Variants in CHD4 observed in about 807,000 individuals in gnomAD.
CHD4 encodes ATP-dependent chromatin remodeler CHD4.
Under a neutral mutation model 235.5 loss-of-function variants are expected in CHD4, and 35 were observed. The ratio of observed to expected loss-of-function variants is 0.15; its 90% CI spans 0.11 to 0.20. The LOEUF (loss-of-function observed/expected upper bound fraction) is 0.20, where lower values mean the gene tolerates loss of function less well. Among genes scored for constraint, CHD4 ranks in the 10% least tolerant of loss-of-function variants. The pLI, the probability that CHD4 is intolerant of heterozygous loss-of-function variation, is 1.00. For synonymous variants in CHD4, 900 were observed against 850.2 expected, an observed-to-expected ratio of 1.06 and a Z score of -1.02; for missense variants, 1,329 against 2,432.3, an observed-to-expected ratio of 0.55 and a Z score of 9.54.
intron 33 of CHD4, among the ~76,000 whole-genome samples, chr12:6,579,853 G>A (rs1006462192): frequency 3.3e-5 from 5 of 151,652 alleles, no homozygotes; most frequent in Non-Finnish European, 5.9e-5. Flanking sequence ...TCAGGAGGTG[G>A]AGACCATCCT....
At chr12:6,574,773 A>G (rs2136193121) in intron 37 of CHD4, among the ~76,000 whole-genome samples, 1 of 152,272 alleles carries the variant, frequency 6.6e-6, no homozygotes, top group Middle Eastern at 3.4e-3. Context: ...TTAAATGACA[A>G]TTTAACTTTC....
chr12:6,591,025 A>G (rs1209993214), intron 22 of CHD4, among the ~76,000 whole-genome samples: 1 of 146,436 alleles, frequency 6.8e-6, no homozygotes, highest in African/African-American at 2.5e-5. Context: ...TGGGAGGCTG[A>G]GGCAGGAGAA....
rs1173586842 is a variant in CHD4 at position 6,577,825 on chromosome 12, A to G, written c.5321T>C (p.Phe1774Ser). The change falls in exon 37 of 40, where the codon TTC becomes TCC. Residue 1774 changes from phenylalanine (F) to serine (S), a missense_variant. By Grantham distance (155) the Phe-to-Ser change is radical. Around this residue, in one of 26 missense-constraint regions of CHD4, gnomAD observed 135 missense variants for 282.3 expected, o/e 0.48. Coordinates refer to ENST00000544040, the MANE Select transcript of CHD4 (RefSeq NM_001273.5). ...TAGAAATTTATTCTTGATCTCTAAG[A>G]AATTGCCACGGTTCATTTCACCCTT... ...PFKGEMNRGN[F>S]LEIKNKFLAR... is the part of the protein sequence containing the mutation. 1.2e-6 allele frequency: 2 copies of G among 1,614,134 alleles called. No homozygotes were observed. The highest frequency in any genetic ancestry group is 2.7e-5 in the African/African-American group (2 of 74,952).
At chr12:6,602,660 AACAG>A (rs1948617815) in intron 2 of CHD4, among the ~76,000 whole-genome samples, 163 bp from the exon 3 acceptor site, 3 of 152,206 alleles carry the variant, frequency 2.0e-5, no homozygotes, top group Admixed American at 6.5e-5. Flanking sequence ...CCAGGACAAA[AACAG>A]ACAAAGAGAG....
Position 6,570,941 on chromosome 12 carries a change from C to T in CHD4, c.5649G>A (p.Val1883=). Residue 1883 remains valine, a synonymous_variant, in exon 39 of 40, where the codon GTG becomes GTA. Coordinates refer to ENST00000544040, the MANE Select transcript of CHD4 (RefSeq NM_001273.5). ...ATIARIPPVA[V]RLQMSERNIL... ...TGTTACGCTCTGACATCTGTAACCT[C>T]ACAGCAACTGGGGGAATTCGGGCAA... 6.2e-7 allele frequency: 1 copy of T among 1,614,176 alleles called. No homozygotes were observed. The highest frequency in any genetic ancestry group is 8.5e-7 in the Non-Finnish European group (1 of 1,180,032).
In CHD4 at chr12:6,591,988, C is replaced by T; in HGVS notation, c.3018G>A (p.Val1006=). The T allele has an allele frequency of 6.2e-7, 1 of 1,614,220 alleles. No individual in the cohort carries two copies. The part of the protein sequence containing the change: ...ALNARGGGNQ[V]SLLNVVMDLK... ...GATCCATCACCACATTCAGCAGAGA[C>T]ACCTGGTTGCCACCACCTCGGGCAT... is the stretch of plus-strand genomic sequence containing the variant. The change falls in exon 20 of 40, where the codon GTG becomes GTA. Residue 1006 remains valine (V), a synonymous_variant. Coordinates refer to ENST00000544040, the MANE Select transcript of CHD4 (RefSeq NM_001273.5).
chr12:6,570,581 G>T lies in CHD4; in HGVS notation c.*95C>A. 1.4e-6 allele frequency: 2 copies of T among 1,475,774 alleles called. No individual in the cohort carries two copies. Among genetic ancestry groups the T allele is most frequent in the Non-Finnish European group, 9.5e-7 (1 of 1,057,360 alleles). The allele number at this position is 1,475,774 out of a possible 1,614,324, so 91.4% of individuals were successfully genotyped here. On this transcript the variant is annotated 3_prime_UTR_variant, in exon 40 of 40. Transcript: ENST00000544040. Reference sequence around the variant, plus strand: ...CAACATGGAAGATGGGCAGAAGGAAGGTGAGGGTCTCTCAGGCCCCCAGGG... The same window carrying T: ...CAACATGGAAGATGGGCAGAAGGAATGTGAGGGTCTCTCAGGCCCCCAGGG...
intron 14 of CHD4, 42 bp downstream of exon 14, chr12:6,595,292 T>C (rs1307587745): frequency 2.7e-6 from 4 of 1,505,614 alleles, no homozygotes; most frequent in Non-Finnish European, 3.7e-6. Flanking sequence ...AAAGATACAT[T>C]GTCCTACCCA....
chr12:6,573,900 T>C (rs1046549114), intron 37 of CHD4, among the ~76,000 whole-genome samples: 3 of 142,940 alleles, frequency 2.1e-5, no homozygotes, highest in African/African-American at 5.8e-5. Context: ...AGTGCGCACC[T>C]GTAACTGCAG....
intron 14 of CHD4, 80 bp from the exon 15 acceptor site, chr12:6,594,730 T>C: frequency 7.9e-7 from 1 of 1,268,666 alleles, no homozygotes; most frequent in Non-Finnish European, 1.1e-6. Context: ...TCCTCCTCAC[T>C]AGTCTTCACG....
At chr12:6,572,890 G>T (rs534525791) in intron 38 of CHD4, 184 bp downstream of exon 38, 19 of 531,812 alleles carry the variant, frequency 3.6e-5, no homozygotes, top group Non-Finnish European at 4.7e-5. Context: ...AAAAAAAAAG[G>T]CAAAGAACTA....
At chr12:6,606,128 A>T in intron 2 of CHD4, 146 bp downstream of exon 2, 1 of 576,182 alleles carries the variant, frequency 1.7e-6, no homozygotes, top group South Asian at 2.4e-5. Flanking sequence ...AGAGCTCCGC[A>T]GAAGGGAACC....
intron 25 of CHD4, chr12:6,583,704 G>A: frequency 4.3e-6 from 1 of 234,894 alleles, no homozygotes; most frequent in Non-Finnish European, 8.1e-6. Context: ...AAGAAAAGAG[G>A]TCAGAGCCTT....
intron 34 of CHD4, 43 bp from the exon 35 acceptor site, chr12:6,578,589 C>G (rs1293293042): frequency 1.2e-6 from 2 of 1,606,280 alleles, no homozygotes; most frequent in African/African-American, 1.3e-5. Context: ...CAGCCAAAGC[C>G]CAGCACCATC....
rs1358073566 is a variant in CHD4 at position 6,601,962 on chromosome 12, T to C, written c.436A>G (p.Lys146Glu). 4 of 1,608,112 alleles carry C rather than the reference T, an allele frequency of 2.5e-6. No individual in the cohort carries two copies. The highest frequency in any genetic ancestry group is 3.4e-6 in the Non-Finnish European group (4 of 1,179,950). The change falls in exon 4 of 40, where the codon AAG becomes GAG. Residue 146 changes from lysine (K) to glutamate (E), a missense_variant and splice_region_variant. Lys to Glu is a moderately conservative substitution (Grantham distance 56). Transcript: ENST00000544040. Reference protein sequence around the residue: ...EEEEDDDDDSKEPKSSAQLLE... With the variant: ...EEEEDDDDDSEEPKSSAQLLE... ...GAAGAGGATGGAGGTCCAGGCACCT[T>C]TGAATCATCATCATCATCCTCCTCC...
intron 39 of CHD4, 64 bp downstream of exon 39, chr12:6,570,805 C>T: frequency 1.2e-6 from 2 of 1,611,516 alleles, no homozygotes; most frequent in Non-Finnish European, 1.7e-6. Flanking sequence ...GGACATACAG[C>T]AAAGTTACAA....
intron 33 of CHD4, 131 bp from the exon 34 acceptor site, chr12:6,579,048 C>T: frequency 1.3e-6 from 1 of 773,858 alleles, no homozygotes; most frequent in Non-Finnish European, 2.1e-6. Flanking sequence ...GGCATGGTGG[C>T]TCATGCCTGT....
intron 35 of CHD4, 121 bp downstream of exon 35, chr12:6,578,288 A>T (rs760115343): frequency 3.6e-5 from 50 of 1,390,392 alleles, no homozygotes; most frequent in Middle Eastern, 2.0e-4. Flanking sequence ...ACCCACTATC[A>T]GTTTGGCATT....
rs566062997 is a variant in CHD4, at chr12:6,574,542, A to G, written c.5362-1273T>C. Among the ~76,000 whole-genome samples, 10 of 152,356 alleles carry G rather than the reference A, an allele frequency of 6.6e-5. No homozygotes were observed. In the South Asian group the frequency reaches 1.7e-3, roughly 25 times the overall value. On this transcript the variant is annotated intron_variant, in intron 37 of 39. Transcript: ENST00000544040. ...ATTCATAAAACATATGACTCAACATAAGAGAAGATTTCTCATACCCTTCTC... is the reference window on the plus strand; with the variant it reads ...ATTCATAAAACATATGACTCAACATGAGAGAAGATTTCTCATACCCTTCTC...
Sources: gnomAD v4.1 joint callset for allele counts (sites outside exome capture counted in the v4.1 genomes callset) on GRCh38, gnomAD v4.1.1 for gene constraint, gnomAD v4.1.1 regional missense constraint, MANE v1.5 for transcripts, NCBI Gene and HGNC (gene_info 2026-07-23, HGNC 2026-07-21) for gene names.